The following SHANK2 variants were observed in gnomAD, a reference collection of about 807,000 sequenced individuals.
The protein encoded by SHANK2 is SH3 and multiple ankyrin repeat domains 2, also known as SH3 and multiple ankyrin repeat domains protein 2.
SHANK2 carries 43 observed loss-of-function variants against 133.7 expected under a neutral mutation model. That is an observed-to-expected ratio of 0.32 (90% confidence interval 0.25 to 0.41). The LOEUF (loss-of-function observed/expected upper bound fraction) is 0.41, where lower values mean the gene tolerates loss of function less well. Among genes scored for constraint, SHANK2 ranks in the 10% least tolerant of loss-of-function variants. The pLI is 1.00. For synonymous variants in SHANK2, 1,017 were observed against 952.8 expected, an observed-to-expected ratio of 1.07 and a Z score of -1.24; for missense variants, 1,994 against 2,235.8, an observed-to-expected ratio of 0.89 and a Z score of 2.18.
chr11:70,662,584 C>G (rs1448989657), intron 15 of SHANK2, among the ~76,000 whole-genome samples: 8 of 152,194 alleles, frequency 5.3e-5, no homozygotes, highest in Non-Finnish European at 1.2e-4. Flanking sequence ...ACACCAGCCC[C>G]CTCTGGGGAT....
chr11:70,544,026 C>T (rs1040942773), intron 17 of SHANK2, among the ~76,000 whole-genome samples: 5 of 152,188 alleles, frequency 3.3e-5, no homozygotes, highest in South Asian at 2.1e-4. Flanking sequence ...TTCCTATAGC[C>T]TCACAGTCCC....
intron 2 of SHANK2, among the ~76,000 whole-genome samples, chr11:71,222,056 C>T (rs1015977902): frequency 6.6e-6 from 1 of 152,040 alleles, no homozygotes; most frequent in African/African-American, 2.4e-5. Flanking sequence ...TCTGGCTCAC[C>T]CTTCCCTGCA....
intron 15 of SHANK2, among the ~76,000 whole-genome samples, chr11:70,670,444 C>T (rs189442551): frequency 9.8e-5 from 15 of 152,296 alleles, no homozygotes; most frequent in Admixed American, 6.5e-4. Context: ...CCAGCTCGGG[C>T]GCTTTGGCCG....
At chr11:70,497,132 C>G (rs2058982436) in intron 21 of SHANK2, 2 of 427,166 alleles carry the variant, frequency 4.7e-6, no homozygotes, top group Non-Finnish European at 9.4e-6. Flanking sequence ...AAAGGAAAAC[C>G]CTGCATTGGC....
intron 17 of SHANK2, among the ~76,000 whole-genome samples, chr11:70,557,268 C>T (rs781889893): frequency 6.6e-6 from 1 of 152,122 alleles, no homozygotes; most frequent in Non-Finnish European, 1.5e-5. Context: ...ATCAACTGGC[C>T]TCAGGATCTC....
chr11:70,742,755 C>T (rs935566747), intron 14 of SHANK2, among the ~76,000 whole-genome samples: 3 of 152,190 alleles, frequency 2.0e-5, no homozygotes, highest in African/African-American at 4.8e-5. Flanking sequence ...GACTGGCTGC[C>T]GGAGATAAGA....
At chr11:70,561,309 A>G (rs898615322) in intron 17 of SHANK2, among the ~76,000 whole-genome samples, 1 of 151,952 alleles carries the variant, frequency 6.6e-6, no homozygotes, top group Non-Finnish European at 1.5e-5. Context: ...ATGTGCCACC[A>G]CGCACAGCTA....
At chr11:70,840,789 G>A (rs1276980020) in intron 11 of SHANK2, among the ~76,000 whole-genome samples, 1 of 152,126 alleles carries the variant, frequency 6.6e-6, no homozygotes, top group African/African-American at 2.4e-5. Flanking sequence ...CCGAGGACAG[G>A]GACAAGGAAC....
intron 17 of SHANK2, among the ~76,000 whole-genome samples, chr11:70,648,089 T>G (rs2061290627): frequency 6.6e-6 from 1 of 152,234 alleles, no homozygotes; most frequent in Non-Finnish European, 1.5e-5. Flanking sequence ...CAGAAGGTAG[T>G]ACGGACACAT....
At chr11:71,063,037 A>G (rs1314317319) in intron 9 of SHANK2, among the ~76,000 whole-genome samples, 1 of 150,622 alleles carries the variant, frequency 6.6e-6, no homozygotes, top group East Asian at 1.9e-4. Context: ...TAAGAGAGAA[A>G]GAGAAAGAGA....
intron 9 of SHANK2, among the ~76,000 whole-genome samples, chr11:71,073,147 C>CTTTTCTTTTTT (rs1951166965): frequency 1.1e-4 from 7 of 62,716 alleles, no homozygotes; most frequent in Non-Finnish European, 1.6e-4. Flanking sequence ...TTTTTCTTTT[C>CTTTTCTTTTTT]TTTTTTTTCT....
At chr11:70,856,350 A>G (rs1363069934) in intron 11 of SHANK2, among the ~76,000 whole-genome samples, 1 of 152,032 alleles carries the variant, frequency 6.6e-6, no homozygotes, top group Non-Finnish European at 1.5e-5. Flanking sequence ...GCATAGATGA[A>G]TGGATGGACA....
At chr11:70,518,080 A>G (rs1302302024) in intron 17 of SHANK2, among the ~76,000 whole-genome samples, 1 of 152,218 alleles carries the variant, frequency 6.6e-6, no homozygotes, top group Non-Finnish European at 1.5e-5. Context: ...AAGAAGCCCA[A>G]TGTTACATGA....
chr11:70,582,280 A>G (rs1304073904), intron 17 of SHANK2, among the ~76,000 whole-genome samples: 3 of 152,216 alleles, frequency 2.0e-5, no homozygotes, highest in East Asian at 3.8e-4. Context: ...GTCCCCACAC[A>G]TCCGGGGCCT....
At chr11:70,525,520 G>C (rs1436721194) in intron 17 of SHANK2, among the ~76,000 whole-genome samples, 1 of 152,050 alleles carries the variant, frequency 6.6e-6, no homozygotes, top group African/African-American at 2.4e-5. Context: ...CTAAGAGAGA[G>C]GTGAGAGAAA....
intron 14 of SHANK2, among the ~76,000 whole-genome samples, chr11:70,785,498 G>A (rs1947629545): frequency 1.3e-5 from 2 of 152,172 alleles, no homozygotes; most frequent in African/African-American, 2.4e-5. Flanking sequence ...CCACAACCCC[G>A]CCAAGCTCCA....
chr11:70,601,015 A>ATATATCTATATC (rs56326812), intron 17 of SHANK2, among the ~76,000 whole-genome samples: 4,289 of 128,330 alleles, frequency 0.033, 96 homozygotes, highest in East Asian at 0.059. Context: ...AGTAAAGAGA[A>ATATATCTATATC]TATATCTATA....
At chr11:71,171,776 CA>C (rs568126566) in intron 2 of SHANK2, among the ~76,000 whole-genome samples, 1 of 152,156 alleles carries the variant, frequency 6.6e-6, no homozygotes, top group Non-Finnish European at 1.5e-5. Context: ...GAAAGGACAC[CA>C]AAGATCACCC....
At chr11:70,600,175 T>C (rs1343194418) in intron 17 of SHANK2, among the ~76,000 whole-genome samples, 4 of 151,922 alleles carry the variant, frequency 2.6e-5, no homozygotes, top group Non-Finnish European at 5.9e-5. Context: ...TCCCAGCCAT[T>C]TGAGAGGCTG....
Sources: allele counts gnomAD v4.1 joint callset (sites outside exome capture counted in the v4.1 genomes callset), GRCh38; gene constraint gnomAD v4.1.1; transcripts MANE v1.5; gene names NCBI Gene and HGNC (gene_info 2026-07-23, HGNC 2026-07-21).